Variants in INPP4B observed in about 807,000 individuals in gnomAD.
The protein encoded by INPP4B is inositol polyphosphate 4-phosphatase type II.
Under a neutral mutation model 122.5 loss-of-function variants are expected in INPP4B, and 55 were observed. The observed-to-expected ratio is 0.45, with a 90% CI of 0.36 to 0.56. The LOEUF is 0.56. Ranked by LOEUF, INPP4B falls within the 20% of genes least tolerant of loss-of-function variation. The probability of loss-of-function intolerance (pLI) is 0.00; values close to 1 mark genes in which losing one functional copy is unlikely to be tolerated. For missense variants in INPP4B, 1,000 were observed against 1,097.7 expected (o/e 0.91, Z 1.26); for synonymous variants, 403 against 388.7 (o/e 1.04, Z -0.43).
intron 2 of INPP4B, among the ~76,000 whole-genome samples, chr4:142,647,230 G>A (rs1263624311): frequency 6.6e-6 from 1 of 152,074 alleles, no homozygotes; most frequent in African/African-American, 2.4e-5. Context: ...ATGAGAATCA[G>A]GGTCCAGGAA....
At chr4:142,149,437 T>A (rs1372997507) in intron 17 of INPP4B, among the ~76,000 whole-genome samples, 3 of 152,194 alleles carry the variant, frequency 2.0e-5, no homozygotes, top group Non-Finnish European at 4.4e-5. Context: ...AAACTCAACA[T>A]TAAAATGGTA....
At chr4:142,412,570 G>A (rs1450015490) in intron 5 of INPP4B, among the ~76,000 whole-genome samples, 1 of 152,134 alleles carries the variant, frequency 6.6e-6, no homozygotes, top group Non-Finnish European at 1.5e-5. Context: ...CAAGCAGTTG[G>A]AAATACTCTC....
intron 11 of INPP4B, among the ~76,000 whole-genome samples, chr4:142,240,117 G>A (rs1280342101): frequency 1.4e-5 from 2 of 147,818 alleles, no homozygotes; most frequent in African/African-American, 2.5e-5. Context: ...CACCAAGGCC[G>A]GAGCTTAATA....
At chr4:142,159,116 T>C (rs1818744518) in intron 17 of INPP4B, among the ~76,000 whole-genome samples, 1 of 151,992 alleles carries the variant, frequency 6.6e-6, no homozygotes, top group Non-Finnish European at 1.5e-5. Flanking sequence ...TGCCTTGGCA[T>C]TTCCAGGAAA....
At chr4:142,156,276 T>C (rs1817145122) in intron 17 of INPP4B, among the ~76,000 whole-genome samples, 1 of 152,062 alleles carries the variant, frequency 6.6e-6, no homozygotes. Context: ...CCTTAACCTA[T>C]CACTATAGTA....
chr4:142,831,194 G>C (rs115839835), intron 1 of INPP4B, among the ~76,000 whole-genome samples: 7 of 152,052 alleles, frequency 4.6e-5, no homozygotes, highest in African/African-American at 1.7e-4. Context: ...CCAGTAAATC[G>C]AGTACTAAAT....
chr4:142,539,120 C>A (rs1828634800), intron 2 of INPP4B, among the ~76,000 whole-genome samples: 1 of 146,316 alleles, frequency 6.8e-6, no homozygotes, highest in Non-Finnish European at 1.5e-5. Context: ...ATTTTATTTC[C>A]CTCTAAGTAG....
intron 25 of INPP4B, among the ~76,000 whole-genome samples, chr4:142,078,183 A>AG (rs1195297638): frequency 7.0e-5 from 2 of 28,614 alleles, no homozygotes; most frequent in Non-Finnish European, 8.7e-4. Flanking sequence ...CTGGATAAGT[A>AG]GAAAAAAAGG....
intron 1 of INPP4B, among the ~76,000 whole-genome samples, chr4:142,830,113 A>G (rs1781942708): frequency 6.6e-6 from 1 of 152,166 alleles, no homozygotes; most frequent in Non-Finnish European, 1.5e-5. Flanking sequence ...CAACATTACA[A>G]GAGGTCAAGT....
intron 7 of INPP4B, among the ~76,000 whole-genome samples, chr4:142,393,998 C>T (rs1175533070): frequency 6.6e-6 from 1 of 152,136 alleles, no homozygotes; most frequent in African/African-American, 2.4e-5. Context: ...TTAACAATAC[C>T]CAGAAGTGGG....
chr4:142,513,837 C>G (rs1825073010), intron 2 of INPP4B, among the ~76,000 whole-genome samples: 1 of 152,164 alleles, frequency 6.6e-6, no homozygotes, highest in Non-Finnish European at 1.5e-5. Flanking sequence ...CATATGAATT[C>G]TAGGGGAGCA....
chr4:142,337,735 TTTATATATATTATATATTTTA>T (rs1447352221), intron 7 of INPP4B, among the ~76,000 whole-genome samples: 24 of 75,402 alleles, frequency 3.2e-4, no homozygotes, highest in Non-Finnish European at 4.5e-4. Flanking sequence ...TTTATATATA[TTTATATATATTATATATTTTA>T]TATATATTTT....
chr4:142,550,394 A>T (rs1313924210), intron 2 of INPP4B, among the ~76,000 whole-genome samples: 1 of 152,072 alleles, frequency 6.6e-6, no homozygotes, highest in African/African-American at 2.4e-5. Flanking sequence ...AAAATGAGCA[A>T]ACCAGGATGT....
At chr4:142,386,300 T>A (rs760560940) in intron 7 of INPP4B, among the ~76,000 whole-genome samples, 1 of 152,200 alleles carries the variant, frequency 6.6e-6, no homozygotes, top group Non-Finnish European at 1.5e-5. Flanking sequence ...GTTGCTACCA[T>A]ATCTTAGCTA....
chr4:142,724,374 T>C (rs569236374), intron 2 of INPP4B, among the ~76,000 whole-genome samples: 6 of 152,256 alleles, frequency 3.9e-5, no homozygotes, highest in Non-Finnish European at 7.4e-5. Flanking sequence ...ACCTTCCTCA[T>C]TGGCTTCATC....
At chr4:142,446,565 G>A (rs146208966) in intron 3 of INPP4B, among the ~76,000 whole-genome samples, 334 of 152,264 alleles carry the variant, frequency 2.2e-3, no homozygotes, top group African/African-American at 7.3e-3. Flanking sequence ...AGATAATTAG[G>A]AGAATGTTCA....
At chr4:142,478,199 G>T (rs1291434397) in intron 2 of INPP4B, among the ~76,000 whole-genome samples, 1 of 152,082 alleles carries the variant, frequency 6.6e-6, no homozygotes, top group African/African-American at 2.4e-5. Flanking sequence ...AGTTTTTTCG[G>T]TATAGATGTA....
At chr4:142,280,753 A>G (rs1750823679) in intron 9 of INPP4B, among the ~76,000 whole-genome samples, 1 of 152,008 alleles carries the variant, frequency 6.6e-6, no homozygotes, top group Non-Finnish European at 1.5e-5. Context: ...AAAAAATCGC[A>G]CAGCCATTTA....
At chr4:142,597,098 A>G (rs1738874697) in intron 2 of INPP4B, among the ~76,000 whole-genome samples, 1 of 152,228 alleles carries the variant, frequency 6.6e-6, no homozygotes, top group Admixed American at 6.5e-5. Flanking sequence ...TATAAGTGAC[A>G]TTGGAGAAAA....
Sources: gnomAD v4.1 joint callset for allele counts (sites outside exome capture counted in the v4.1 genomes callset) on GRCh38, gnomAD v4.1.1 for gene constraint, MANE v1.5 for transcripts, NCBI Gene and HGNC (gene_info 2026-07-23, HGNC 2026-07-21) for gene names.